SFMBT2: variants seen among roughly 807,000 people sequenced by gnomAD.
SFMBT2 encodes Scm like with four mbt domains 2.
Under a neutral mutation model 110.1 loss-of-function variants are expected in SFMBT2, and 38 were observed. The ratio of observed to expected loss-of-function variants is 0.35; its 90% CI spans 0.27 to 0.45. The LOEUF (loss-of-function observed/expected upper bound fraction) is 0.45. Among genes scored for constraint, SFMBT2 ranks in the 20% least tolerant of loss-of-function variants. The pLI, the probability that SFMBT2 is intolerant of heterozygous loss-of-function variation, is 1.00. For synonymous variants in SFMBT2, 425 were observed against 425.4 expected, an observed-to-expected ratio of 1.00 and a Z score of 0.01; for missense variants, 1,011 against 1,094.9, an observed-to-expected ratio of 0.92 and a Z score of 1.08.
chr10:7,258,518 C>A (rs942205432), intron 7 of SFMBT2, among the ~76,000 whole-genome samples: 1 of 152,158 alleles, frequency 6.6e-6, no homozygotes, highest in Non-Finnish European at 1.5e-5. Flanking sequence ...TCAAATATTG[C>A]ATGTGCTTCT....
At chr10:7,208,989 C>G (rs766898197) in intron 11 of SFMBT2, among the ~76,000 whole-genome samples, 7 of 152,144 alleles carry the variant, frequency 4.6e-5, no homozygotes, top group Non-Finnish European at 1.0e-4. Context: ...CCCATTAAGG[C>G]ATCTATTAAA....
At chr10:7,308,987 T>C (rs1195022077) in intron 4 of SFMBT2, among the ~76,000 whole-genome samples, 1 of 152,166 alleles carries the variant, frequency 6.6e-6, no homozygotes, top group African/African-American at 2.4e-5. Context: ...GATCCTCAAG[T>C]TCAATGGTCA....
At chr10:7,369,254 G>C (rs535642022) in intron 3 of SFMBT2, among the ~76,000 whole-genome samples, 2 of 152,212 alleles carry the variant, frequency 1.3e-5, no homozygotes, top group South Asian at 4.1e-4. Context: ...AAAGTGCCCC[G>C]ATTTACTGAT....
intron 14 of SFMBT2, 46 bp downstream of exon 14, chr10:7,200,368 C>T: frequency 1.4e-6 from 2 of 1,458,184 alleles, no homozygotes; most frequent in Non-Finnish European, 1.8e-6. Context: ...CTGCTCCCGG[C>T]TGCACGGTGG....
At chr10:7,338,081 C>T (rs1410445875) in intron 4 of SFMBT2, among the ~76,000 whole-genome samples, 2 of 152,162 alleles carry the variant, frequency 1.3e-5, no homozygotes, top group Non-Finnish European at 2.9e-5. Context: ...AAACCAACAG[C>T]TCTCATTGTC....
intron 20 of SFMBT2, among the ~76,000 whole-genome samples, chr10:7,165,423 A>G (rs1184154746): frequency 1.3e-5 from 2 of 152,262 alleles, no homozygotes; most frequent in African/African-American, 4.8e-5. Context: ...CCTTGAGCAG[A>G]CTAATCTTCT....
intron 16 of SFMBT2, among the ~76,000 whole-genome samples, chr10:7,180,993 G>A (rs1398805812): frequency 5.3e-5 from 8 of 152,060 alleles, no homozygotes; most frequent in African/African-American, 1.2e-4. Context: ...AGCCACTCCC[G>A]TTAGAAAAGC....
intron 2 of SFMBT2, among the ~76,000 whole-genome samples, chr10:7,377,262 T>C (rs377512248): frequency 6.6e-5 from 10 of 152,052 alleles, no homozygotes; most frequent in African/African-American, 2.4e-4. Context: ...AGGAAAAACT[T>C]TAGTCACTTG....
chr10:7,207,229 G>A (rs1461033219), intron 11 of SFMBT2, among the ~76,000 whole-genome samples: 1 of 151,850 alleles, frequency 6.6e-6, no homozygotes, highest in Non-Finnish European at 1.5e-5. Context: ...CGTGGTAGCA[G>A]GCACCTGTAA....
chr10:7,205,617 TAA>T, intron 12 of SFMBT2, 196 bp downstream of exon 12: 1 of 985,448 alleles, frequency 1.0e-6, no homozygotes, highest in Non-Finnish European at 1.2e-6. Flanking sequence ...CCCTCACTGT[TAA>T]AGTTTGTCAA....
At chr10:7,398,479 A>C (rs1422398053) in intron 1 of SFMBT2, among the ~76,000 whole-genome samples, 1 of 152,250 alleles carries the variant, frequency 6.6e-6, no homozygotes, top group Non-Finnish European at 1.5e-5. Flanking sequence ...ATACTACAAC[A>C]CAACAGGTCT....
At chr10:7,386,100 A>G (rs1845596705) in intron 1 of SFMBT2, among the ~76,000 whole-genome samples, 1 of 152,224 alleles carries the variant, frequency 6.6e-6, no homozygotes, top group Non-Finnish European at 1.5e-5. Context: ...ATAAAAAGCG[A>G]GCAGTGTTTC....
chr10:7,188,773 A>G (rs753852447), intron 15 of SFMBT2, 40 bp from the exon 16 acceptor site: 12 of 1,527,748 alleles, frequency 7.9e-6, no homozygotes, highest in South Asian at 1.1e-5. Context: ...CTGCAATTGC[A>G]TTCATTCCTA....
chr10:7,357,933 A>G (rs1403459039), intron 4 of SFMBT2, among the ~76,000 whole-genome samples: 3 of 152,050 alleles, frequency 2.0e-5, no homozygotes, highest in Non-Finnish European at 2.9e-5. Flanking sequence ...GGAACCCAGC[A>G]TGGCCCTGGG....
chr10:7,312,730 A>T (rs1192964980), intron 4 of SFMBT2, among the ~76,000 whole-genome samples: 1 of 152,108 alleles, frequency 6.6e-6, no homozygotes, highest in Non-Finnish European at 1.5e-5. Flanking sequence ...GCGTTAGCGA[A>T]TCACAATGGT....
At chr10:7,402,713 TGGCAAGACTGAGGA>T (rs1846112074) in intron 1 of SFMBT2, among the ~76,000 whole-genome samples, 4 of 152,174 alleles carry the variant, frequency 2.6e-5, no homozygotes, top group Admixed American at 2.6e-4. Flanking sequence ...TACAAGCAGC[TGGCAAGACTGAGGA>T]GGCACAAAAC....
At chr10:7,342,834 A>G (rs1479520858) in intron 4 of SFMBT2, among the ~76,000 whole-genome samples, 24 of 152,172 alleles carry the variant, frequency 1.6e-4, no homozygotes, top group Non-Finnish European at 4.4e-5. Context: ...CAAAACATAA[A>G]CCACTTTGAT....
chr10:7,303,705 T>A (rs1205958206), intron 4 of SFMBT2, among the ~76,000 whole-genome samples: 2 of 152,198 alleles, frequency 1.3e-5, no homozygotes, highest in Non-Finnish European at 2.9e-5. Context: ...AATGCCCCTT[T>A]CAATAACCAC....
chr10:7,286,934 CA>C, intron 4 of SFMBT2, among the ~76,000 whole-genome samples: 1 of 152,028 alleles, frequency 6.6e-6, no homozygotes, highest in East Asian at 1.9e-4. Flanking sequence ...ATGAATCTGG[CA>C]ACAGTATAAG....
Sources: gnomAD v4.1 joint callset for allele counts (sites outside exome capture counted in the v4.1 genomes callset) on GRCh38, gnomAD v4.1.1 for gene constraint, MANE v1.5 for transcripts, NCBI Gene and HGNC (gene_info 2026-07-23, HGNC 2026-07-21) for gene names.